CYP39A1: variants seen among roughly 807,000 people sequenced by gnomAD.
CYP39A1 encodes the protein 24-hydroxycholesterol 7-alpha-hydroxylase.
In CYP39A1, 49 loss-of-function variants were observed where a neutral mutation model predicts 58.1. The ratio of observed to expected loss-of-function variants is 0.84; its 90% CI spans 0.67 to 1.07. The LOEUF is 1.07. Among genes scored for constraint, CYP39A1 ranks in the 50% least tolerant of loss-of-function variants. The pLI, the probability that CYP39A1 is intolerant of heterozygous loss-of-function variation, is 0.00. For missense variants in CYP39A1, 531 were observed against 539.4 expected, an observed-to-expected ratio of 0.98 and a Z score of 0.16; for synonymous variants, 209 against 187.6, an observed-to-expected ratio of 1.11 and a Z score of -0.93.
chr6:46,587,288 G>A (rs1772528168), intron 9 of CYP39A1, 123 bp from the exon 10 acceptor site: 1 of 701,050 alleles, frequency 1.4e-6, no homozygotes, highest in South Asian at 1.7e-5. Flanking sequence ...AGGGTTGTTG[G>A]TAATTTTTTC....
intron 7 of CYP39A1, among the ~76,000 whole-genome samples, chr6:46,608,608 T>TTTTA: frequency 6.6e-6 from 1 of 152,152 alleles, no homozygotes; most frequent in East Asian, 1.9e-4. Flanking sequence ...ATAGGTTTTA[T>TTTTA]TTTATTTATT....
rs780951807 is a variant in CYP39A1 at position 46,587,149 on chromosome 6, G to A, written c.1178C>T (p.Ala393Val). The change falls in exon 10 of 12, where the codon GCA becomes GTA. Residue 393 changes from alanine to valine, a missense_variant. By Grantham distance (64) the Ala-to-Val change is moderately conservative. Transcript: ENST00000275016. ...ELFKPERWKK[A>V]NLEKHSFLDC... is the part of the protein sequence containing the mutation. ...CAAGAAAGAGTGCTTCTCTAAATTT[G>A]CCTTTTTCCAACGTTCCTGTGGGAA... The A allele has an allele frequency of 6.2e-7, 1 of 1,610,370 alleles. No individual in the cohort carries two copies. Among genetic ancestry groups the A allele is most frequent in the East Asian group, 2.2e-5 (1 of 44,792 alleles).
chr6:46,639,302 T>G (rs545799568), intron 3 of CYP39A1, among the ~76,000 whole-genome samples, 192 bp downstream of exon 3: 2 of 151,888 alleles, frequency 1.3e-5, no homozygotes, highest in South Asian at 4.2e-4. Flanking sequence ...GAATTAGAAT[T>G]TAAAAGATTG....
At chr6:46,638,387 C>A (rs1057388898) in intron 3 of CYP39A1, among the ~76,000 whole-genome samples, 1 of 152,162 alleles carries the variant, frequency 6.6e-6, no homozygotes, top group Non-Finnish European at 1.5e-5. Context: ...ATATTAGTCA[C>A]CAAATTCCCT....
chr6:46,558,519 T>G (rs764828679), intron 10 of CYP39A1, among the ~76,000 whole-genome samples: 30 of 151,954 alleles, frequency 2.0e-4, no homozygotes, highest in Non-Finnish European at 3.7e-4. Flanking sequence ...ACCAGGCCCC[T>G]CCTCCTCCAA....
intron 7 of CYP39A1, among the ~76,000 whole-genome samples, chr6:46,598,539 C>T (rs1354676572): frequency 6.6e-6 from 1 of 152,100 alleles, no homozygotes; most frequent in East Asian, 1.9e-4. Context: ...ACATTTTCCC[C>T]AAACTATCCC....
chr6:46,572,035 G>A (rs1771611232), intron 10 of CYP39A1, among the ~76,000 whole-genome samples: 1 of 151,972 alleles, frequency 6.6e-6, no homozygotes, highest in Non-Finnish European at 1.5e-5. Context: ...TTTGCCTATG[G>A]AAACTCTACA....
chr6:46,646,557 C>T (rs973763374), intron 1 of CYP39A1, among the ~76,000 whole-genome samples: 1 of 151,932 alleles, frequency 6.6e-6, no homozygotes, highest in Non-Finnish European at 1.5e-5. Context: ...GGTTTGAGAT[C>T]AAGGTAATAC....
At position 46,596,001 on chromosome 6, in the gene CYP39A1, G is replaced by C. The variant is rs1417910916; in HGVS notation, c.1051C>G (p.Pro351Ala). The change falls in exon 8 of 12, where the codon CCT becomes GCT. Residue 351 changes from proline (P) to alanine (A), a missense_variant. By Grantham distance (27) the Pro-to-Ala change is conservative (BLOSUM62 -1). Transcript: ENST00000275016. Reference protein sequence around the residue: ...PGVITRKVVKPVEILNYIIPS... With the variant: ...PGVITRKVVKAVEILNYIIPS... ...CCAAAGCTTACCAAAATTTCCACAG[G>C]CTTCACCACTTTTCTAGTAATGACA... 3 of 1,608,512 alleles carry C rather than the reference G, an allele frequency of 1.9e-6. No homozygotes were observed. The highest frequency in any genetic ancestry group is 2.5e-6 in the Non-Finnish European group (3 of 1,177,986).
At chr6:46,606,669 T>C (rs569433779) in intron 7 of CYP39A1, among the ~76,000 whole-genome samples, 3 of 152,194 alleles carry the variant, frequency 2.0e-5, no homozygotes, top group Admixed American at 6.5e-5. Flanking sequence ...AGGCAAACCT[T>C]AGGATGTTGA....
At chr6:46,616,173 T>TTA (rs1561993987) in intron 7 of CYP39A1, among the ~76,000 whole-genome samples, 8 of 43,644 alleles carry the variant, frequency 1.8e-4, no homozygotes, top group African/African-American at 5.3e-4. Context: ...TTTTCTTTCT[T>TTA]TCTTTCTTTC....
chr6:46,645,069 T>G (rs1394470269), intron 1 of CYP39A1, among the ~76,000 whole-genome samples: 1 of 152,144 alleles, frequency 6.6e-6, no homozygotes, highest in Non-Finnish European at 1.5e-5. Context: ...TTGCAAATAT[T>G]TTATCCCAGT....
At chr6:46,566,305 T>C (rs1345632759) in intron 10 of CYP39A1, among the ~76,000 whole-genome samples, 1 of 152,164 alleles carries the variant, frequency 6.6e-6, no homozygotes, top group Non-Finnish European at 1.5e-5. Context: ...TATAAAGGAC[T>C]GCCCAAGACT....
chr6:46,592,385 G>A (rs957944303), intron 8 of CYP39A1, among the ~76,000 whole-genome samples: 4 of 152,094 alleles, frequency 2.6e-5, no homozygotes, highest in East Asian at 1.9e-4. Flanking sequence ...GGAACATATC[G>A]TTAAACTTCA....
intron 1 of CYP39A1, among the ~76,000 whole-genome samples, chr6:46,642,598 C>T (rs1170455511): frequency 6.6e-6 from 1 of 151,902 alleles, no homozygotes; most frequent in Admixed American, 6.6e-5. Flanking sequence ...ATTATATCAA[C>T]ATTGTGACAT....
chr6:46,648,390 T>C (rs1762459847), intron 1 of CYP39A1, among the ~76,000 whole-genome samples: 1 of 151,628 alleles, frequency 6.6e-6, no homozygotes, highest in South Asian at 2.1e-4. Flanking sequence ...GAAACCATCA[T>C]TCTCAGCAAA....
At chr6:46,642,379 C>T (rs1776396287) in intron 1 of CYP39A1, 81 bp from the exon 2 acceptor site, 1 of 1,370,090 alleles carries the variant, frequency 7.3e-7, no homozygotes, top group African/African-American at 1.5e-5. Flanking sequence ...AATCCTAATG[C>T]TGAAGTTATA....
At chr6:46,552,853 C>T (rs1401927331) in intron 11 of CYP39A1, among the ~76,000 whole-genome samples, 3 of 151,996 alleles carry the variant, frequency 2.0e-5, no homozygotes, top group South Asian at 2.1e-4. Flanking sequence ...GGGAGACCAG[C>T]GTGGCCAACA....
In CYP39A1 at chr6:46,586,130, A is replaced by G. The variant is rs147484658; in HGVS notation, c.1250+947T>C. On this transcript the variant is annotated intron_variant, in intron 10 of 11. Transcript: ENST00000275016. ...TTAATACTATTTTAGGGGAAGCGTA[A>G]ATTACCAAAATCATACTAATACTCT... 1,018 of 760,922 alleles carry G rather than the reference A, an allele frequency of 1.3e-3. 1 individual carries two copies. Among genetic ancestry groups the G allele is most frequent in the Middle Eastern group, 8.2e-3 (12 of 1,462 alleles). 47.1% of individuals were successfully genotyped at this position (760,922 alleles called of 1,614,324 possible).
Sources: allele counts gnomAD v4.1 joint callset (sites outside exome capture counted in the v4.1 genomes callset), GRCh38; gene constraint gnomAD v4.1.1; transcripts MANE v1.5; gene names NCBI Gene and HGNC (gene_info 2026-07-23, HGNC 2026-07-21).